The following CLIC5 variants were observed in gnomAD, a reference collection of about 807,000 sequenced individuals.
CLIC5 encodes CLIC family member 5.
CLIC5 carries 20 observed loss-of-function variants against 24.7 expected under a neutral mutation model. That is an observed-to-expected ratio of 0.81 (90% CI 0.57 to 1.18). The LOEUF (loss-of-function observed/expected upper bound fraction) is 1.18, where lower values mean the gene tolerates loss of function less well. Ranked by LOEUF, CLIC5 falls within the 50% of genes most tolerant of loss-of-function variation. The pLI is 0.00. For synonymous variants in CLIC5, 159 were observed against 135.6 expected (o/e 1.17, Z -1.20); for missense variants, 341 against 326.1 (o/e 1.05, Z -0.35).
rs1315907996 is a variant in CLIC5 at position 45,999,842 on chromosome 6, T to C, written c.63+15638A>G. On this transcript the variant is annotated intron_variant, in intron 1 of 5. Coordinates refer to ENST00000339561, the MANE Select transcript of CLIC5 (RefSeq NM_016929.5). ...CTCACTGCAAGCTCCGCTTCCCGGG[T>C]TCACGCCATTCTCCTGCCTCAGCCT... 3.5e-5 allele frequency among the ~76,000 whole-genome samples: 2 copies of C among 56,800 alleles called. 1 individual carries two copies. The highest frequency in any genetic ancestry group is 1.8e-4 in the African/African-American group (2 of 11,238). The allele number at this position is 56,800 out of a possible 152,430, so 37.3% of individuals were successfully genotyped here.
chr6:45,912,129 A>T (rs545979128), intron 5 of CLIC5: 51 of 986,696 alleles, frequency 5.2e-5, no homozygotes, highest in Middle Eastern at 1.0e-3. Context: ...GTTAGCTCCC[A>T]CAGCCCAGAT....
chr6:46,123,911 C>G, the CLIC5 span, among the ~76,000 whole-genome samples: 2 of 152,098 alleles, frequency 1.3e-5, no homozygotes, highest in Admixed American at 6.5e-5. Flanking sequence ...AGCTACAAAC[C>G]ACTGCTCAAT....
At chr6:46,009,422 C>G (rs1766720591) in intron 1 of CLIC5, among the ~76,000 whole-genome samples, 1 of 152,068 alleles carries the variant, frequency 6.6e-6, no homozygotes. Flanking sequence ...GGAGCTGACC[C>G]CTCAGAACAC....
the CLIC5 span, among the ~76,000 whole-genome samples, chr6:46,088,005 A>G: frequency 6.6e-6 from 1 of 152,014 alleles, no homozygotes; most frequent in Non-Finnish European, 1.5e-5. Context: ...GTTCTTTTTA[A>G]TTATGTTTCT....
intron 1 of CLIC5, among the ~76,000 whole-genome samples, chr6:46,045,818 C>T (rs1398138286): frequency 6.6e-6 from 1 of 151,954 alleles, no homozygotes; most frequent in East Asian, 1.9e-4. Flanking sequence ...TTGGTATTTA[C>T]CAAAATACAG....
At chr6:46,111,178 G>A in the CLIC5 span, among the ~76,000 whole-genome samples, 13 of 126,120 alleles carry the variant, frequency 1.0e-4, no homozygotes, top group Admixed American at 7.6e-4. Context: ...AATCAAACCT[G>A]TCCTTTTTTT....
intron 5 of CLIC5, among the ~76,000 whole-genome samples, chr6:45,909,661 G>C (rs1283982678): frequency 6.6e-6 from 1 of 152,120 alleles, no homozygotes; most frequent in Admixed American, 6.5e-5. Context: ...GCCTGATGGG[G>C]TTCCATTTGT....
rs537794897 is a variant in CLIC5, at chr6:46,011,669, G to T, written c.63+3811C>A. ...GTCCAGGGGTGAGACTGGGAGTGGAGGAAGCAATGCAAATGGGTGGAATGC... is the reference window on the plus strand; with the variant it reads ...GTCCAGGGGTGAGACTGGGAGTGGATGAAGCAATGCAAATGGGTGGAATGC... On this transcript the variant is annotated intron_variant, in intron 1 of 5. Transcript: ENST00000339561. 2.0e-5 allele frequency among the ~76,000 whole-genome samples: 3 copies of T among 152,286 alleles called. No homozygotes were observed. In the East Asian group the frequency reaches 5.8e-4, roughly 29 times the overall value.
At chr6:46,008,765 A>G (rs1240469787) in intron 1 of CLIC5, among the ~76,000 whole-genome samples, 1 of 152,192 alleles carries the variant, frequency 6.6e-6, no homozygotes, top group East Asian at 1.9e-4. Flanking sequence ...GGTCAAAAGC[A>G]TTTCTTTCCT....
At chr6:45,927,641 C>T (rs1380005672) in intron 4 of CLIC5, among the ~76,000 whole-genome samples, 1 of 152,166 alleles carries the variant, frequency 6.6e-6, no homozygotes, top group Admixed American at 6.5e-5. Context: ...ATTGAACAAG[C>T]TTTGCTAACT....
intron 5 of CLIC5, chr6:45,912,556 C>T (rs1762858539): frequency 7.1e-7 from 1 of 1,406,212 alleles, no homozygotes; most frequent in Non-Finnish European, 9.4e-7. Flanking sequence ...ATACAATCCA[C>T]TTCTGTTCTT....
chr6:45,901,118 C>T lies in CLIC5; in HGVS notation c.*1970G>A, dbSNP rs539179353. 13 of 152,224 alleles carry T rather than the reference C, an allele frequency of 8.5e-5. No homozygotes were observed. The highest frequency in any genetic ancestry group is 2.1e-4 in the South Asian group (1 of 4,814). The allele number at this position is 152,224 out of a possible 1,614,324, so 9.4% of individuals were successfully genotyped here. ...GATTTCACACTAATTAAAAGGCCTT[C>T]GGGATCATTTCAGCCCTCATCCCCC... On this transcript the variant is annotated 3_prime_UTR_variant, in exon 6 of 6. Coordinates refer to ENST00000339561, the MANE Select transcript of CLIC5 (RefSeq NM_016929.5).
rs188035743 is a variant in CLIC5 at position 46,015,460 on chromosome 6, G to A, written c.63+20C>T. On this transcript the variant is annotated intron_variant, in intron 1 of 5. Transcript: ENST00000339561. ...GCGGGAGGCGCGGCAGGTGCGGCGG[G>A]AGACTGGACCCCGACCTACCTTCAC... 6 of 1,503,040 alleles carry A rather than the reference G, an allele frequency of 4.0e-6. No individual in the cohort carries two copies. The highest frequency in any genetic ancestry group is 2.6e-5 in the South Asian group (2 of 77,492). The allele number at this position is 1,503,040 out of a possible 1,614,324, so 93.1% of individuals were successfully genotyped here. A position where few individuals can be genotyped will look rare whatever the true frequency, so the allele number is the denominator to read the frequency against.
intron 1 of CLIC5, among the ~76,000 whole-genome samples, chr6:46,035,857 G>T (rs2127458090): frequency 6.6e-6 from 1 of 152,034 alleles, no homozygotes; most frequent in East Asian, 1.9e-4. Context: ...TGATTCTCCT[G>T]CCTCAGCCTC....
the CLIC5 span, among the ~76,000 whole-genome samples, chr6:46,108,346 T>C: frequency 6.6e-6 from 1 of 151,456 alleles, no homozygotes; most frequent in East Asian, 1.9e-4. Context: ...AGAGAGATTT[T>C]GTTTGCCTCT....
At chr6:45,911,001 G>A (rs1438488638) in intron 5 of CLIC5, among the ~76,000 whole-genome samples, 2 of 152,196 alleles carry the variant, frequency 1.3e-5, no homozygotes, top group Non-Finnish European at 2.9e-5. Context: ...CACATAGCAG[G>A]AACTCTGCTT....
At chr6:45,955,066 G>T in intron 2 of CLIC5, 69 bp downstream of exon 2, 2 of 1,157,634 alleles carry the variant, frequency 1.7e-6, no homozygotes, top group Non-Finnish European at 2.6e-6. Context: ...GAAGGCTTTT[G>T]CCCTCCTTCA....
intron 4 of CLIC5, among the ~76,000 whole-genome samples, chr6:45,938,519 A>C (rs1185042656): frequency 6.6e-6 from 1 of 152,210 alleles, no homozygotes; most frequent in African/African-American, 2.4e-5. Flanking sequence ...CTCTTTGGGA[A>C]AGCAGCAATG....
chr6:46,080,481 A>G, upstream of CLIC5: 1 of 472,870 alleles, frequency 2.1e-6, no homozygotes, highest in Non-Finnish European at 3.7e-6. Context: ...CTTCACTCCT[A>G]AAGATATTTT....
Sources: gnomAD v4.1 joint callset for allele counts (sites outside exome capture counted in the v4.1 genomes callset) on GRCh38, gnomAD v4.1.1 for gene constraint, MANE v1.5 for transcripts, NCBI Gene and HGNC (gene_info 2026-07-23, HGNC 2026-07-21) for gene names.